ERC2: variants seen among roughly 807,000 people sequenced by gnomAD.
ERC2 encodes the protein ELKS/RAB6-interacting/CAST family member 2.
Under a neutral mutation model 114.8 loss-of-function variants are expected in ERC2, and 42 were observed. That is an observed-to-expected ratio of 0.37 (90% CI 0.29 to 0.47). The LOEUF is 0.47. Among genes scored for constraint, ERC2 ranks in the 20% least tolerant of loss-of-function variants. The pLI is 0.99. For synonymous variants in ERC2, 454 were observed against 425.5 expected (o/e 1.07, Z -0.82); for missense variants, 939 against 1,150.7 (o/e 0.82, Z 2.66).
At chr3:55,997,258 T>A (rs1456457926) in intron 10 of ERC2, among the ~76,000 whole-genome samples, 3 of 148,172 alleles carry the variant, frequency 2.0e-5, no homozygotes. Flanking sequence ...GTTTTAGCAA[T>A]AATTTGCTAA....
At chr3:56,199,147 C>T (rs192453920) in intron 3 of ERC2, among the ~76,000 whole-genome samples, 1 of 152,240 alleles carries the variant, frequency 6.6e-6, no homozygotes, top group Non-Finnish European at 1.5e-5. Flanking sequence ...CAAATTTTAA[C>T]ACTCAAATTG....
intron 3 of ERC2, among the ~76,000 whole-genome samples, chr3:56,233,178 C>T (rs1475340319): frequency 1.3e-5 from 2 of 152,164 alleles, no homozygotes; most frequent in Non-Finnish European, 2.9e-5. Context: ...GATGGGTTTC[C>T]CTGTCAGACC....
At chr3:56,352,995 A>G (rs2058607977) in intron 2 of ERC2, among the ~76,000 whole-genome samples, 2 of 152,198 alleles carry the variant, frequency 1.3e-5, no homozygotes, top group African/African-American at 4.8e-5. Context: ...CACATTTGCC[A>G]TATTCTACTG....
At chr3:56,079,318 A>C (rs2077119421) in intron 7 of ERC2, among the ~76,000 whole-genome samples, 1 of 152,160 alleles carries the variant, frequency 6.6e-6, no homozygotes, top group Non-Finnish European at 1.5e-5. Flanking sequence ...AGCACACCTC[A>C]GTCAAGGCCT....
chr3:56,410,819 C>A (rs1388765905), intron 2 of ERC2, among the ~76,000 whole-genome samples: 2 of 152,068 alleles, frequency 1.3e-5, no homozygotes, highest in Non-Finnish European at 2.9e-5. Flanking sequence ...CAGCAGATAT[C>A]ATACTATGTT....
intron 17 of ERC2, among the ~76,000 whole-genome samples, chr3:55,588,525 C>T (rs1346571840): frequency 1.3e-5 from 2 of 152,190 alleles, no homozygotes; most frequent in Non-Finnish European, 2.9e-5. Flanking sequence ...AAATCCCCCT[C>T]GGCCTGATGA....
intron 2 of ERC2, among the ~76,000 whole-genome samples, chr3:56,361,940 C>G (rs753504407): frequency 6.6e-6 from 1 of 152,132 alleles, no homozygotes; most frequent in African/African-American, 2.4e-5. Flanking sequence ...CAAGTCATGA[C>G]TCATACTTAG....
At chr3:55,833,177 A>G (rs1247458776) in intron 14 of ERC2, among the ~76,000 whole-genome samples, 1 of 150,186 alleles carries the variant, frequency 6.7e-6, no homozygotes, top group East Asian at 1.9e-4. Context: ...CAAGTTGGAA[A>G]ACACTCTGCA....
intron 17 of ERC2, among the ~76,000 whole-genome samples, chr3:55,643,045 G>A (rs956264939): frequency 6.6e-6 from 1 of 152,234 alleles, no homozygotes; most frequent in African/African-American, 2.4e-5. Context: ...TTTAGAGGCA[G>A]TGGCTACCCA....
Position 55,801,452 on chromosome 3 carries a change from C to T in ERC2, c.2565-66534G>A, listed in dbSNP as rs139691781. 6.5e-4 allele frequency among the ~76,000 whole-genome samples: 99 copies of T among 152,268 alleles called. No individual in the cohort carries two copies. In the East Asian group the frequency reaches 0.018, roughly 28 times the overall value. Reference sequence around the variant, plus strand: ...TCTGGTTGTAACTCTTGAACAATTTCTATGGAAAACCAAGAGAGAGCCAAA... The same window carrying T: ...TCTGGTTGTAACTCTTGAACAATTTTTATGGAAAACCAAGAGAGAGCCAAA... On this transcript the variant is annotated intron_variant, in intron 14 of 17. Coordinates refer to ENST00000288221, the MANE Select transcript of ERC2 (RefSeq NM_015576.3).
chr3:55,542,970 T>C (rs996010962), intron 17 of ERC2, among the ~76,000 whole-genome samples: 1 of 152,218 alleles, frequency 6.6e-6, no homozygotes, highest in African/African-American at 2.4e-5. Context: ...TCTGCAGGGA[T>C]TCCTCCTGGG....
chr3:56,051,851 ACACAC>A (rs2075785830), intron 7 of ERC2, among the ~76,000 whole-genome samples: 5 of 143,940 alleles, frequency 3.5e-5, no homozygotes, highest in Non-Finnish European at 5.9e-5. Context: ...ACACACACAC[ACACAC>A]ACACACACAC....
At chr3:56,146,363 A>G (rs1294130309) in intron 5 of ERC2, among the ~76,000 whole-genome samples, 1 of 152,174 alleles carries the variant, frequency 6.6e-6, no homozygotes, top group Admixed American at 6.5e-5. Context: ...ATTAGCAACA[A>G]ATGTTATAGT....
rs112436430 is a variant in ERC2, at chr3:56,430,768, G to A, written c.657+3583C>T. On this transcript the variant is annotated intron_variant, in intron 2 of 17. Transcript: ENST00000288221. ...CGCACCACTGCACTCCAGCCTAGGT[G>A]ACAGAGTGAAACCCTGTCTCAAAAT... Among the ~76,000 whole-genome samples the A allele has an allele frequency of 7.3e-3, 1,106 of 152,266 alleles. 16 individuals carry two copies. Among genetic ancestry groups the A allele is most frequent in the African/African-American group, 0.026 (1,060 of 41,550 alleles).
chr3:56,154,069 A>G (rs1344204307), intron 4 of ERC2, among the ~76,000 whole-genome samples: 4 of 152,196 alleles, frequency 2.6e-5, no homozygotes, highest in Non-Finnish European at 5.9e-5. Context: ...TAACAGCTTA[A>G]CTTTAAAAAA....
intron 17 of ERC2, among the ~76,000 whole-genome samples, chr3:55,539,582 C>G (rs2054251171): frequency 6.6e-6 from 1 of 151,550 alleles, no homozygotes; most frequent in Non-Finnish European, 1.5e-5. Context: ...GCCACCATAC[C>G]AGGCTGATTT....
intron 17 of ERC2, among the ~76,000 whole-genome samples, chr3:55,550,137 C>T (rs186142171): frequency 2.3e-4 from 35 of 152,232 alleles, no homozygotes; most frequent in African/African-American, 8.4e-4. Flanking sequence ...CTCTGCTGAA[C>T]CTTCTTGCAG....
intron 10 of ERC2, among the ~76,000 whole-genome samples, chr3:55,994,254 T>A (rs1468023404): frequency 6.6e-6 from 1 of 152,126 alleles, no homozygotes; most frequent in Non-Finnish European, 1.5e-5. Flanking sequence ...TGAATACGTA[T>A]ATTTTGATTG....
chr3:55,782,395 C>T (rs2069128074), intron 14 of ERC2, among the ~76,000 whole-genome samples: 2 of 152,178 alleles, frequency 1.3e-5, no homozygotes, highest in Non-Finnish European at 2.9e-5. Context: ...GTCATTTAAT[C>T]TGACCAGAAA....
Sources: gnomAD v4.1 joint callset for allele counts (sites outside exome capture counted in the v4.1 genomes callset) on GRCh38, gnomAD v4.1.1 for gene constraint, MANE v1.5 for transcripts, NCBI Gene and HGNC (gene_info 2026-07-23, HGNC 2026-07-21) for gene names.